The following SAMMSON variants were observed in gnomAD, a reference collection of about 807,000 sequenced individuals.
SAMMSON encodes survival associated mitochondrial melanoma specific oncogenic non-coding RNA.
chr3:70,352,834 C>T lies in SAMMSON; in HGVS notation n.740-1341C>T, dbSNP rs558957922. ...GAATGAGTTTACCCAATTTCAAGAC[C>T]TATTTTATAGCTATAGAAATCAAAA... is the stretch of plus-strand genomic sequence containing the variant. On this transcript the variant is annotated intron_variant and non_coding_transcript_variant, in intron 7 of 9. Transcript: ENST00000642114. 3.9e-5 allele frequency among the ~76,000 whole-genome samples: 6 copies of T among 151,978 alleles called. No homozygotes were observed. The South Asian group carries it at 1.2e-3, about 32-fold the overall frequency.
In SAMMSON at chr3:70,039,842, G is replaced by GA. The variant is rs373315173; in HGVS notation, n.417+26171dup. 3.5e-3 allele frequency among the ~76,000 whole-genome samples: 526 copies of GA among 152,194 alleles called. 1 individual carries two copies. Among genetic ancestry groups the GA allele is most frequent in the African/African-American group, 0.012 (501 of 41,548 alleles). ...TGGTGGAGTGCCATTCTACTTCAGG[G>GA]AGGATACATTTGGACAATGCTTTTA... On this transcript the variant is annotated intron_variant and non_coding_transcript_variant, in intron 3 of 9. Coordinates refer to ENST00000642114, the Ensembl canonical transcript of SAMMSON.
chr3:70,111,694 G>C (rs1433766342), intron 4 of SAMMSON, among the ~76,000 whole-genome samples: 1 of 152,122 alleles, frequency 6.6e-6, no homozygotes, highest in Non-Finnish European at 1.5e-5. Flanking sequence ...TTTCCTGAAG[G>C]CTTCATAAAT....
intron 7 of SAMMSON, among the ~76,000 whole-genome samples, chr3:70,321,813 G>GA (rs1559563380): frequency 2.0e-5 from 3 of 151,394 alleles, no homozygotes; most frequent in African/African-American, 7.3e-5. Context: ...TCTCTAAAGG[G>GA]GAAAAAAATG....
chr3:70,185,427 C>T (rs1362422187), intron 4 of SAMMSON, among the ~76,000 whole-genome samples: 1 of 152,110 alleles, frequency 6.6e-6, no homozygotes, highest in Non-Finnish European at 1.5e-5. Context: ...GGGGGCATGT[C>T]AGGTCTGGGG....
At chr3:70,238,039 C>G (rs997398371) in intron 4 of SAMMSON, among the ~76,000 whole-genome samples, 3 of 106,808 alleles carry the variant, frequency 2.8e-5, no homozygotes, top group Admixed American at 1.4e-4. Context: ...GGAAAGAGAA[C>G]TGTACTTTAT....
chr3:70,135,874 T>G (rs1390240865), intron 4 of SAMMSON, among the ~76,000 whole-genome samples: 2 of 151,932 alleles, frequency 1.3e-5, no homozygotes, highest in African/African-American at 4.8e-5. Context: ...TTCTTGTGTT[T>G]AATCACTTGA....
chr3:70,144,483 A>G (rs796977447), intron 4 of SAMMSON, among the ~76,000 whole-genome samples: 5 of 152,282 alleles, frequency 3.3e-5, no homozygotes, highest in African/African-American at 9.6e-5. Flanking sequence ...CATTAGAATT[A>G]TGTATGCATG....
At chr3:70,225,291 T>TATAAATATAATTCA (rs1701493137) in intron 4 of SAMMSON, among the ~76,000 whole-genome samples, 1 of 152,220 alleles carries the variant, frequency 6.6e-6, no homozygotes, top group South Asian at 2.1e-4. Context: ...CTCTTCAGTG[T>TATAAATATAATTCA]GAGAATTATA....
chr3:70,007,938 C>G (rs2066935499), intron 1 of SAMMSON, among the ~76,000 whole-genome samples: 1 of 152,086 alleles, frequency 6.6e-6, no homozygotes, highest in East Asian at 1.9e-4. Flanking sequence ...GTCAGGTTGT[C>G]AAAGATCAGA....
intron 4 of SAMMSON, among the ~76,000 whole-genome samples, chr3:70,198,780 T>C (rs1370470223): frequency 6.6e-6 from 1 of 152,228 alleles, no homozygotes; most frequent in African/African-American, 2.4e-5. Flanking sequence ...ACTCATCTCT[T>C]TGCCAGATTT....
chr3:70,024,989 G>T (rs1194039341), intron 3 of SAMMSON: 1 of 152,154 alleles, frequency 6.6e-6, no homozygotes, highest in African/African-American at 2.4e-5. Context: ...CTTGGTGAAA[G>T]GGGAGAAGAT....
intron 4 of SAMMSON, among the ~76,000 whole-genome samples, chr3:70,096,219 A>T (rs2067322412): frequency 6.6e-6 from 1 of 152,060 alleles, no homozygotes; most frequent in South Asian, 2.1e-4. Flanking sequence ...GGCCTCTTCT[A>T]CTTGGTCACT....
chr3:70,112,008 A>G (rs2106661238), intron 4 of SAMMSON, among the ~76,000 whole-genome samples: 1 of 152,316 alleles, frequency 6.6e-6, no homozygotes, highest in East Asian at 1.9e-4. Flanking sequence ...GAAAGAATAG[A>G]ATGAATGAGA....
intron 1 of SAMMSON, chr3:70,009,154 A>T (rs1299528379): frequency 2.0e-5 from 3 of 152,232 alleles, no homozygotes; most frequent in Admixed American, 2.0e-4. Context: ...CTGGCCTCAT[A>T]AAATGAGTGA....
intron 4 of SAMMSON, among the ~76,000 whole-genome samples, chr3:70,186,556 C>T (rs561987903): frequency 2.6e-5 from 4 of 152,148 alleles, no homozygotes; most frequent in South Asian, 2.1e-4. Flanking sequence ...GGATTACAGG[C>T]GTGAGCCAGC....
intron 4 of SAMMSON, among the ~76,000 whole-genome samples, chr3:70,171,229 T>C (rs1317661682): frequency 1.3e-5 from 2 of 151,994 alleles, no homozygotes; most frequent in Admixed American, 6.6e-5. Context: ...GGACACTTTA[T>C]GAACATCAAA....
intron 2 of SAMMSON, chr3:70,424,697 C>A (rs1701341543): frequency 6.6e-6 from 1 of 152,132 alleles, no homozygotes; most frequent in Non-Finnish European, 1.5e-5. Flanking sequence ...AGATTAGGTT[C>A]ACCTTTAATC....
At chr3:70,020,302 A>G (rs1309184391) in intron 3 of SAMMSON, among the ~76,000 whole-genome samples, 1 of 152,202 alleles carries the variant, frequency 6.6e-6, no homozygotes, top group East Asian at 1.9e-4. Flanking sequence ...AGATTAATGC[A>G]GAAAGCAAAA....
intron 9 of SAMMSON, chr3:70,358,359 A>G (rs1468644053): frequency 3.3e-5 from 5 of 152,302 alleles, no homozygotes; most frequent in South Asian, 4.1e-4. Flanking sequence ...GAGTATTTAC[A>G]CTACAGAAAT....
Sources: gnomAD v4.1 joint callset for allele counts (sites outside exome capture counted in the v4.1 genomes callset) on GRCh38, gnomAD v4.1.1 for gene constraint, MANE v1.5 for transcripts, NCBI Gene and HGNC (gene_info 2026-07-23, HGNC 2026-07-21) for gene names.